TSGA10: variants seen among roughly 807,000 people sequenced by gnomAD.
The protein encoded by TSGA10 is testis specific 10.
TSGA10 carries 43 observed loss-of-function variants against 96.6 expected under a neutral mutation model. That is an observed-to-expected ratio of 0.44 (90% CI 0.35 to 0.57). TSGA10 has a LOEUF of 0.57. Ranked by LOEUF, TSGA10 falls within the 20% of genes least tolerant of loss-of-function variation. The probability of loss-of-function intolerance (pLI) is 0.01; values close to 1 mark genes in which losing one functional copy is unlikely to be tolerated. For synonymous variants in TSGA10, 229 were observed against 269.9 expected (o/e 0.85, Z 1.48); for missense variants, 703 against 834.4 (o/e 0.84, Z 1.94).
At chr2:99,104,218 A>T in intron 9 of TSGA10, 100 bp from the exon 10 acceptor site, 1 of 1,344,036 alleles carries the variant, frequency 7.4e-7, no homozygotes, top group South Asian at 1.4e-5. Context: ...TTATGGCAAG[A>T]CTGACAGGAT....
intron 16 of TSGA10, among the ~76,000 whole-genome samples, chr2:99,047,267 CA>C (rs570545016): frequency 6.6e-6 from 1 of 151,972 alleles, no homozygotes. Flanking sequence ...AGAGATACAA[CA>C]AAAAAAGGAT....
At chr2:99,013,289 A>G (rs998691368) in intron 20 of TSGA10, among the ~76,000 whole-genome samples, 4 of 152,152 alleles carry the variant, frequency 2.6e-5, no homozygotes, top group Non-Finnish European at 4.4e-5. Context: ...TGACCCAAAG[A>G]TCACTTAAGA....
intron 12 of TSGA10, among the ~76,000 whole-genome samples, chr2:99,077,126 CCTTTTTTTTTTT>C (rs1349994004): frequency 9.6e-5 from 12 of 124,480 alleles, no homozygotes; most frequent in Non-Finnish European, 1.9e-4. Flanking sequence ...GGACCATTCA[CCTTTTTTTTTTT>C]TTTTTTTTTT....
intron 10 of TSGA10, chr2:99,102,110 A>G: frequency 6.8e-7 from 1 of 1,460,438 alleles, no homozygotes; most frequent in Non-Finnish European, 9.6e-7. Context: ...TAAAGCGACA[A>G]GAAGAGTTAG....
At chr2:99,060,781 T>C (rs921016783) in intron 16 of TSGA10, among the ~76,000 whole-genome samples, 1 of 152,160 alleles carries the variant, frequency 6.6e-6, no homozygotes, top group Non-Finnish European at 1.5e-5. Flanking sequence ...TCCACACATA[T>C]ATGATCATTT....
intron 10 of TSGA10, among the ~76,000 whole-genome samples, chr2:99,096,627 TAGC>T (rs1172331849): frequency 6.6e-6 from 1 of 152,248 alleles, no homozygotes; most frequent in Non-Finnish European, 1.5e-5. Context: ...GGTTTCTTTG[TAGC>T]ATTTTCATCT....
intron 1 of TSGA10, among the ~76,000 whole-genome samples, chr2:99,134,397 C>A (rs1269905550): frequency 6.6e-6 from 1 of 152,028 alleles, no homozygotes; most frequent in Non-Finnish European, 1.5e-5. Flanking sequence ...GTATGCTTCA[C>A]CAAGTTCTCA....
At chr2:99,043,963 C>T (rs1037539066) in intron 16 of TSGA10, among the ~76,000 whole-genome samples, 11 of 152,086 alleles carry the variant, frequency 7.2e-5, no homozygotes, top group Non-Finnish European at 1.6e-4. Flanking sequence ...TAAAATCCTT[C>T]ACAGACAAGC....
At position 99,013,340 on chromosome 2, in the gene TSGA10, A is replaced by C. The variant is rs556937822; in HGVS notation, c.2072+4860T>G. 2.3e-4 allele frequency among the ~76,000 whole-genome samples: 35 copies of C among 152,146 alleles called. No homozygotes were observed. In the East Asian group the frequency reaches 6.6e-3, roughly 29 times the overall value. On this transcript the variant is annotated intron_variant, in intron 20 of 20. Transcript: ENST00000393483. ...GATGATGACAATAATAATAATAATT[A>C]TTAATTTTTTTGAGATGTAATCTTC...
chr2:99,062,612 T>G (rs986718605), intron 16 of TSGA10, among the ~76,000 whole-genome samples: 1 of 152,120 alleles, frequency 6.6e-6, no homozygotes, highest in Admixed American at 6.5e-5. Context: ...GACTCACACT[T>G]GTAGTGTTAG....
At chr2:99,150,114 C>T (rs2093678242) in intron 1 of TSGA10, among the ~76,000 whole-genome samples, 1 of 152,160 alleles carries the variant, frequency 6.6e-6, no homozygotes, top group Admixed American at 6.6e-5. Context: ...CTTTATAGGA[C>T]ATCTTTATTT....
rs1228202515 is a variant in TSGA10 at position 99,127,113 on chromosome 2, T to A, written c.-557A>T. ...ACTTCTTGTTCTAGCTGGAGAGTAT[T>A]CTGGTAGTTTTCAGCTTCAGAAACT... On this transcript the variant is annotated 5_prime_UTR_variant, in exon 2 of 21. Transcript: ENST00000393483. 4 of 1,289,614 alleles carry A rather than the reference T, an allele frequency of 3.1e-6. No individual in the cohort carries two copies. The highest frequency in any genetic ancestry group is 4.0e-6 in the Non-Finnish European group (4 of 988,786). The allele number at this position is 1,289,614 out of a possible 1,614,324, so 79.9% of individuals were successfully genotyped here. A position where few individuals can be genotyped will look rare whatever the true frequency, so the allele number is the denominator to read the frequency against.
At chr2:99,102,848 T>C in intron 10 of TSGA10, 5 of 936,588 alleles carry the variant, frequency 5.3e-6, no homozygotes, top group South Asian at 5.3e-5. Context: ...TGGCCAATAG[T>C]TTTCAGACTT....
intron 18 of TSGA10, 78 bp from the exon 19 acceptor site, chr2:99,018,718 T>C: frequency 8.1e-7 from 1 of 1,241,398 alleles, no homozygotes; most frequent in Non-Finnish European, 1.1e-6. Flanking sequence ...GAAACCATAT[T>C]GATAGTGGTT....
intron 16 of TSGA10, among the ~76,000 whole-genome samples, chr2:99,051,953 C>T (rs1052496258): frequency 5.9e-5 from 9 of 151,636 alleles, no homozygotes; most frequent in African/African-American, 2.2e-4. Flanking sequence ...ATACAACATA[C>T]CTGAACTTAT....
At position 99,065,134 on chromosome 2, in the gene TSGA10, A is replaced by C. The variant is rs1369820340; in HGVS notation, c.1219-10T>G. Reference sequence around the variant, plus strand: ...GCCGGTTCTCAGATTCCTGAAAAGCAAACTTTAGCTATTACTTTAAAATGC... The same window carrying C: ...GCCGGTTCTCAGATTCCTGAAAAGCCAACTTTAGCTATTACTTTAAAATGC... On this transcript the variant is annotated splice_polypyrimidine_tract_variant and intron_variant, in intron 15 of 20. Coordinates refer to ENST00000393483, the MANE Select transcript of TSGA10 (RefSeq NM_025244.4). 6 of 1,609,916 alleles carry C rather than the reference A, an allele frequency of 3.7e-6. No individual in the cohort carries two copies. The Admixed American group carries it at 1.0e-4, about 27-fold the overall frequency.
chr2:99,089,997 TCA>T (rs1488620785), intron 10 of TSGA10, among the ~76,000 whole-genome samples: 5 of 152,094 alleles, frequency 3.3e-5, no homozygotes, highest in African/African-American at 1.2e-4. Flanking sequence ...CCAAGGACCC[TCA>T]CAGAGTCCAT....
At chr2:99,108,639 C>T (rs1023637791) in intron 7 of TSGA10, among the ~76,000 whole-genome samples, 194 bp downstream of exon 7, 20 of 152,024 alleles carry the variant, frequency 1.3e-4, no homozygotes, top group Non-Finnish European at 8.8e-5. Context: ...GGATAACATA[C>T]GTGTGTACTC....
At chr2:99,051,654 T>G (rs2083403784) in intron 16 of TSGA10, among the ~76,000 whole-genome samples, 1 of 152,056 alleles carries the variant, frequency 6.6e-6, no homozygotes, top group African/African-American at 2.4e-5. Context: ...TATAGATCAT[T>G]TCATCAAACA....
Sources: gnomAD v4.1 joint callset for allele counts (sites outside exome capture counted in the v4.1 genomes callset) on GRCh38, gnomAD v4.1.1 for gene constraint, MANE v1.5 for transcripts, NCBI Gene and HGNC (gene_info 2026-07-23, HGNC 2026-07-21) for gene names.